DGKK: variants seen among roughly 807,000 people sequenced by gnomAD.
DGKK encodes the protein diacylglycerol kinase kappa.
A neutral mutation model predicts 92.2 loss-of-function variants in DGKK; 35 were observed. The observed-to-expected ratio is 0.38, with a 90% CI of 0.29 to 0.50. DGKK has a LOEUF of 0.50. Ranked by LOEUF, DGKK falls within the 20% of genes least tolerant of loss-of-function variation. The probability of loss-of-function intolerance (pLI) is 0.92; values close to 1 mark genes in which losing one functional copy is unlikely to be tolerated. For missense variants in DGKK, 910 were observed against 992.2 expected (o/e 0.92, Z 1.11); for synonymous variants, 368 against 360.6 (o/e 1.02, Z -0.23).
intron 13 of DGKK, 150 bp downstream of exon 13, chrX:50,388,377 C>T (rs1214364993): frequency 1.7e-5 from 8 of 468,378 alleles, no homozygotes; most frequent in Non-Finnish European, 2.9e-5. Flanking sequence ...CTTTCCTAAA[C>T]TTTCCATTCA....
chrX:50,416,927 T>C lies in DGKK; in HGVS notation c.942+3476A>G, dbSNP rs782607784. Among the ~76,000 whole-genome samples the C allele has an allele frequency of 9.0e-5, 10 of 110,525 alleles. No individual in the cohort carries two copies. The East Asian group carries it at 2.6e-3, about 28-fold the overall frequency. ...AGAAAGAAGATAATTAGGAGGAATT[T>C]ACGATATCCTCCTGAGAACTTAGAT... On this transcript the variant is annotated intron_variant, in intron 4 of 27. Coordinates refer to ENST00000611977, the MANE Select transcript of DGKK (RefSeq NM_001013742.4).
At chrX:50,438,747 C>A (rs1377284549) in intron 1 of DGKK, among the ~76,000 whole-genome samples, 1 of 111,797 alleles carries the variant, frequency 8.9e-6, no homozygotes, top group Non-Finnish European at 1.9e-5. Flanking sequence ...CCTATCACTT[C>A]TCCAAGCTGC....
Position 50,374,990 on chromosome X carries a change from G to A in DGKK, c.3482C>T (p.Ala1161Val), listed in dbSNP as rs372217757. The change falls in exon 25 of 28, where the codon GCT becomes GTT. Residue 1161 changes from alanine to valine, a missense_variant. Physicochemically the swap from Ala to Val is moderately conservative, Grantham distance 64. Coordinates refer to ENST00000611977, the MANE Select transcript of DGKK (RefSeq NM_001013742.4). ...SLKGLYDDTTAFLDEKLLRSA... is the reference protein window; with the variant it reads ...SLKGLYDDTTVFLDEKLLRSA... ...ACTCACCAGCTTTTCATCCAGGAAA[G>A]CTGTGGTGTCATCGTAGAGACCTTT... 3 of 1,209,476 alleles carry A rather than the reference G, an allele frequency of 2.5e-6. No homozygotes were observed. The highest frequency in any genetic ancestry group is 3.4e-6 in the Non-Finnish European group (3 of 893,925).
Position 50,376,161 on chromosome X carries a change from T to C in DGKK, c.3277A>G (p.Asn1093Asp), listed in dbSNP as rs782727183. 1 of 1,208,203 alleles carries C rather than the reference T, an allele frequency of 8.3e-7. No individual in the cohort carries two copies. Among genetic ancestry groups the C allele is most frequent in the Admixed American group, 2.2e-5 (1 of 45,588 alleles). Residue 1093 changes from asparagine to aspartate, a missense_variant, in exon 24 of 28, where the codon AAT (asparagine) becomes GAT (aspartate). Asn to Asp is a conservative substitution (Grantham distance 23). Transcript: ENST00000611977. Reference sequence around the variant, plus strand: ...TGCTGGTGGATCTTGCTCAGGTCATTAAGTCTGTAATAAAGCAAGGACAGA... The same window carrying C: ...TGCTGGTGGATCTTGCTCAGGTCATCAAGTCTGTAATAAAGCAAGGACAGA... Reference protein sequence around the residue: ...RLAENLISKLNDLSKIHQHVS... With the variant: ...RLAENLISKLDDLSKIHQHVS...
chrX:50,408,439 C>T (rs996049720), intron 4 of DGKK, among the ~76,000 whole-genome samples: 4 of 111,757 alleles, frequency 3.6e-5, no homozygotes, highest in Non-Finnish European at 7.5e-5. Context: ...AGTGCAGTGG[C>T]GCGATCTCGG....
intron 13 of DGKK, among the ~76,000 whole-genome samples, 152 bp from the exon 14 acceptor site, chrX:50,387,805 C>CA (rs1477192054): frequency 3.6e-5 from 4 of 110,540 alleles, no homozygotes; most frequent in Non-Finnish European, 7.6e-5. Context: ...TTTCTCTCTG[C>CA]TTTTTTTTTC....
At chrX:50,460,640 A>C (rs1926718951) in intron 1 of DGKK, among the ~76,000 whole-genome samples, 1 of 111,891 alleles carries the variant, frequency 8.9e-6, no homozygotes, top group African/African-American at 3.2e-5. Context: ...ACCAGGCTGA[A>C]GATTCTGATC....
At position 50,368,780 on chromosome X, in the gene DGKK, C is replaced by A. The variant is rs782252713; in HGVS notation, c.*160G>T. 7 of 445,717 alleles carry A rather than the reference C, an allele frequency of 1.6e-5. No homozygotes were observed. The African/African-American group carries it at 1.8e-4, about 11-fold the overall frequency. 36.7% of individuals were successfully genotyped at this position (445,717 alleles called of 1,213,427 possible). On this transcript the variant is annotated 3_prime_UTR_variant, in exon 28 of 28. Transcript: ENST00000611977. ...AGGAAATGTAAACCTCTAAGGAGAC[C>A]AGATTAAGTCCAGGAAAATGCATTA...
chrX:50,369,673 C>A (rs1051774251), intron 27 of DGKK, among the ~76,000 whole-genome samples: 2 of 110,112 alleles, frequency 1.8e-5, no homozygotes, highest in African/African-American at 6.6e-5. Context: ...GCAATCCTCC[C>A]ACCTCAGCCT....
chrX:50,387,499 A>G (rs1261550895), intron 14 of DGKK, 55 bp downstream of exon 14: 1 of 939,117 alleles, frequency 1.1e-6, no homozygotes, highest in East Asian at 3.2e-5. Flanking sequence ...TTTTTATTAA[A>G]AAGGGCCCCT....
rs782581916 is a variant in DGKK, at chrX:50,390,257, C to G, written c.1926+71G>C. On this transcript the variant is annotated intron_variant, in intron 12 of 27. Transcript: ENST00000611977. Reference sequence around the variant, plus strand: ...ATCCATGCACAATGCAAAAGCTTCTCTCTGGGTTTTGCCAATTATTTCACT... The same window carrying G: ...ATCCATGCACAATGCAAAAGCTTCTGTCTGGGTTTTGCCAATTATTTCACT... The G allele has an allele frequency of 2.9e-6, 3 of 1,025,408 alleles. No individual in the cohort carries two copies. In the African/African-American group the frequency reaches 5.6e-5, roughly 19 times the overall value. The allele number at this position is 1,025,408 out of a possible 1,213,427, so 84.5% of individuals were successfully genotyped here. A position where few individuals can be genotyped will look rare whatever the true frequency, so the allele number is the denominator to read the frequency against.
At chrX:50,431,640 A>G (rs183145775) in intron 1 of DGKK, among the ~76,000 whole-genome samples, 64 of 111,252 alleles carry the variant, frequency 5.8e-4, no homozygotes, top group African/African-American at 1.9e-3. Flanking sequence ...TGGAACATCT[A>G]TTGTCTTTGC....
At chrX:50,370,386 G>T in intron 27 of DGKK, 40 bp downstream of exon 27, 1 of 1,165,783 alleles carries the variant, frequency 8.6e-7, no homozygotes, top group East Asian at 3.1e-5. Flanking sequence ...GGCTGTTGGG[G>T]GAAGTCTTCA....
intron 8 of DGKK, among the ~76,000 whole-genome samples, chrX:50,397,063 G>A (rs1373576650): frequency 8.9e-6 from 1 of 112,016 alleles, no homozygotes; most frequent in Non-Finnish European, 1.9e-5. Flanking sequence ...TGTGAAGCTT[G>A]CCCTTTAGGC....
chrX:50,393,232 C>T lies in DGKK; in HGVS notation c.1515G>A (p.Gly505=), dbSNP rs200258360. The change falls in exon 9 of 28, where the codon GGG becomes GGA. Residue 505 remains glycine (G), a synonymous_variant. Coordinates refer to ENST00000611977, the MANE Select transcript of DGKK (RefSeq NM_001013742.4). ...FINSKSGDHQ[G]IVFLRKFKQY... is the part of the protein sequence containing the mutation. Reference sequence around the variant, plus strand: ...GCTTGAATTTTCGGAGGAAGACGATCCCCTGATGATCGCCACTTTTGGAGT... The same window carrying T: ...GCTTGAATTTTCGGAGGAAGACGATTCCCTGATGATCGCCACTTTTGGAGT... 2 of 1,208,197 alleles carry T rather than the reference C, an allele frequency of 1.7e-6. No homozygotes were observed. Among genetic ancestry groups the T allele is most frequent in the Non-Finnish European group, 2.2e-6 (2 of 894,052 alleles).
rs1419489996 is a variant in DGKK, at chrX:50,470,130, T to C, written c.549A>G (p.Gln183=). 2 of 1,211,055 alleles carry C rather than the reference T, an allele frequency of 1.7e-6. No individual in the cohort carries two copies. The highest frequency in any genetic ancestry group is 3.5e-5 in the African/African-American group (2 of 57,507). Residue 183 remains glutamine, a synonymous_variant, in exon 1 of 28, where the codon CAA becomes CAG. Coordinates refer to ENST00000611977, the MANE Select transcript of DGKK (RefSeq NM_001013742.4). Reference sequence around the variant, plus strand: ...CTCTCTCTCGAGTGTCCACCGGACATTGCAATAGACATGGTGCTGGACTTG... The same window carrying C: ...CTCTCTCTCGAGTGTCCACCGGACACTGCAATAGACATGGTGCTGGACTTG... The part of the protein sequence containing the change: ...FRPSPAPCLL[Q]CPVDTRERGL...
intron 15 of DGKK, among the ~76,000 whole-genome samples, chrX:50,385,077 C>A (rs1924512631): frequency 1.8e-5 from 2 of 111,694 alleles, no homozygotes; most frequent in African/African-American, 3.3e-5. Context: ...CCTGAGCTTT[C>A]TTTGTTTTAC....
intron 1 of DGKK, among the ~76,000 whole-genome samples, chrX:50,442,078 G>T (rs1370480076): frequency 1.8e-5 from 2 of 110,889 alleles, no homozygotes; most frequent in Admixed American, 9.6e-5. Flanking sequence ...TTTCCTCAAG[G>T]TAAATCTCAC....
Position 50,387,641 on chromosome X carries a change from T to C in DGKK, c.2031A>G (p.Ser677=). The change falls in exon 14 of 28, where the codon TCA becomes TCG. Residue 677 remains serine (S), a synonymous_variant. Coordinates refer to ENST00000611977, the MANE Select transcript of DGKK (RefSeq NM_001013742.4). ...TATCAACCACAAAATCTTCCACAGC[T>C]GAACACAAGAATCTGGAAAGATAAA... ...EMIIATRFLC[S]AVEDFVVDIV... The C allele has an allele frequency of 8.3e-7, 1 of 1,198,405 alleles. No individual in the cohort carries two copies.
Sources: gnomAD v4.1 joint callset for allele counts (sites outside exome capture counted in the v4.1 genomes callset) on GRCh38, gnomAD v4.1.1 for gene constraint, MANE v1.5 for transcripts, NCBI Gene and HGNC (gene_info 2026-07-23, HGNC 2026-07-21) for gene names.